DNAI1: variants seen among roughly 807,000 people sequenced by gnomAD.
DNAI1 encodes the protein dynein, axonemal, intermediate polypeptide 1.
Under a neutral mutation model 92.0 loss-of-function variants are expected in DNAI1, and 67 were observed. The ratio of observed to expected loss-of-function variants is 0.73; its 90% CI spans 0.60 to 0.89. DNAI1 has a LOEUF of 0.89. Among genes scored for constraint, DNAI1 ranks in the 40% least tolerant of loss-of-function variants. The probability of loss-of-function intolerance (pLI) is 0.00; values close to 1 mark genes in which losing one functional copy is unlikely to be tolerated. For missense variants in DNAI1, 839 were observed against 866.6 expected (o/e 0.97, Z 0.40); for synonymous variants, 323 against 319.6 (o/e 1.01, Z -0.11).
chr9:34,496,862 T>G (rs541793945), intron 9 of DNAI1, among the ~76,000 whole-genome samples: 1 of 152,314 alleles, frequency 6.6e-6, no homozygotes, highest in South Asian at 2.1e-4. Context: ...AATGAAAGCA[T>G]GAAGCAGGTT....
chr9:34,489,481 C>T, intron 5 of DNAI1, 32 bp downstream of exon 5: 1 of 1,611,760 alleles, frequency 6.2e-7, no homozygotes, highest in Non-Finnish European at 8.5e-7. Context: ...AAGCTACAGC[C>T]CTGAGCCTGT....
At chr9:34,519,158 T>C (rs905988458) in intron 19 of DNAI1, among the ~76,000 whole-genome samples, 2 of 152,078 alleles carry the variant, frequency 1.3e-5, no homozygotes, top group African/African-American at 4.8e-5. Context: ...AGCCAAGTGA[T>C]TCATGCAAAA....
rs527973808 is a variant in DNAI1 at position 34,505,721 on chromosome 9, G to A, written c.1064-906G>A. On this transcript the variant is annotated intron_variant, in intron 12 of 19. Transcript: ENST00000242317. ...GGCCTGGTATCCTTGTCTCTGTAGC[G>A]TGGCATCTACTTCCTCCTGTCCACT... 9.2e-5 allele frequency among the ~76,000 whole-genome samples: 14 copies of A among 152,292 alleles called. 1 individual carries two copies. Among genetic ancestry groups the A allele is most frequent in the Admixed American group, 5.9e-4 (9 of 15,302 alleles).
chr9:34,482,669 C>A (rs542345274), intron 1 of DNAI1, among the ~76,000 whole-genome samples: 1 of 152,274 alleles, frequency 6.6e-6, no homozygotes, highest in Non-Finnish European at 1.5e-5. Flanking sequence ...CTCTCCACGT[C>A]CCCACCAGAC....
chr9:34,481,948 C>T (rs899479202), intron 1 of DNAI1, among the ~76,000 whole-genome samples: 6 of 152,238 alleles, frequency 3.9e-5, no homozygotes, highest in Admixed American at 1.3e-4. Flanking sequence ...TGCTTTTATT[C>T]TTATCTGGCC....
rs1163985496 is a variant in DNAI1, at chr9:34,487,221, C to T, written c.261+1704C>T. ...TTTTTGAGACTGCGCCTCGCTCTGT[C>T]GCCCAGGCTGGAGTGCAGTGGTGGC... On this transcript the variant is annotated intron_variant, in intron 4 of 19. Transcript: ENST00000242317. Among the ~76,000 whole-genome samples the T allele has an allele frequency of 5.3e-5, 8 of 151,494 alleles. No homozygotes were observed. In the East Asian group the frequency reaches 1.2e-3, roughly 22 times the overall value.
At chr9:34,518,583 C>A (rs1287158185) in intron 19 of DNAI1, among the ~76,000 whole-genome samples, 1 of 152,198 alleles carries the variant, frequency 6.6e-6, no homozygotes, top group Non-Finnish European at 1.5e-5. Context: ...CTGAGCCCAG[C>A]TAGTTGGCCT....
chr9:34,484,442 C>G (rs543502052), intron 2 of DNAI1, among the ~76,000 whole-genome samples: 32 of 152,182 alleles, frequency 2.1e-4, no homozygotes, highest in African/African-American at 7.7e-4. Flanking sequence ...CCCTACAGCC[C>G]CATGAATGCT....
At chr9:34,482,009 C>A (rs577583580) in intron 1 of DNAI1, among the ~76,000 whole-genome samples, 1 of 152,166 alleles carries the variant, frequency 6.6e-6, no homozygotes, top group African/African-American at 2.4e-5. Context: ...TTTGTCAGGG[C>A]GCTGATTGGT....
At chr9:34,499,664 G>T (rs1357783863) in intron 10 of DNAI1, among the ~76,000 whole-genome samples, 1 of 152,144 alleles carries the variant, frequency 6.6e-6, no homozygotes, top group Non-Finnish European at 1.5e-5. Context: ...ATGAGAAAGA[G>T]TTTGATCTGG....
At chr9:34,515,183 T>C (rs1587092773) in intron 18 of DNAI1, among the ~76,000 whole-genome samples, 1 of 152,346 alleles carries the variant, frequency 6.6e-6, no homozygotes, top group East Asian at 1.9e-4. Flanking sequence ...GGGAGGGGGC[T>C]ATTCAACACT....
chr9:34,489,526 C>G, intron 5 of DNAI1, 77 bp downstream of exon 5: 1 of 1,558,064 alleles, frequency 6.4e-7, no homozygotes, highest in Non-Finnish European at 8.8e-7. Flanking sequence ...GAGTATACCT[C>G]TAAGCCAGAA....
chr9:34,476,504 G>C (rs1824240761), intron 1 of DNAI1, among the ~76,000 whole-genome samples: 1 of 152,180 alleles, frequency 6.6e-6, no homozygotes, highest in African/African-American at 2.4e-5. Flanking sequence ...GTTAGGAGGG[G>C]TGTTAACTTA....
intron 2 of DNAI1, among the ~76,000 whole-genome samples, chr9:34,484,527 T>C (rs1243623969): frequency 2.6e-5 from 4 of 152,234 alleles, no homozygotes; most frequent in Admixed American, 6.5e-5. Flanking sequence ...TTGTATAATT[T>C]TGATTGTTAG....
At chr9:34,485,583 C>T (rs1048790142) in intron 4 of DNAI1, 66 bp downstream of exon 4, 5 of 1,470,560 alleles carry the variant, frequency 3.4e-6, no homozygotes, top group Non-Finnish European at 3.8e-6. Flanking sequence ...TGACTTGCTA[C>T]ATTGCAAAAG....
At chr9:34,504,277 G>T (rs1824884008) in intron 12 of DNAI1, among the ~76,000 whole-genome samples, 1 of 152,218 alleles carries the variant, frequency 6.6e-6, no homozygotes, top group East Asian at 1.9e-4. Context: ...CCAGGCCAGA[G>T]ATACACTTTT....
Position 34,520,956 on chromosome 9 carries a change from T to G in DNAI1, c.*200T>G, listed in dbSNP as rs1368816006. The G allele has an allele frequency of 7.8e-6, 5 of 639,852 alleles. No homozygotes were observed. Among genetic ancestry groups the G allele is most frequent in the Non-Finnish European group, 1.4e-5 (5 of 356,280 alleles). The allele number at this position is 639,852 out of a possible 1,614,324, so 39.6% of individuals were successfully genotyped here. On this transcript the variant is annotated 3_prime_UTR_variant, in exon 20 of 20. Coordinates refer to ENST00000242317, the MANE Select transcript of DNAI1 (RefSeq NM_012144.4). ...TTCAACCACCATTACCCCTCTAACT[T>G]TGCACAAATAAACCTGTGTAGAAAC... is the stretch of plus-strand genomic sequence containing the variant.
At chr9:34,501,636 G>C (rs1824833192) in intron 12 of DNAI1, among the ~76,000 whole-genome samples, 1 of 152,200 alleles carries the variant, frequency 6.6e-6, no homozygotes, top group Admixed American at 6.5e-5. Context: ...GCAGGCCTGA[G>C]ACTGGAGGCA....
At chr9:34,483,143 C>G (rs1399026122) in intron 1 of DNAI1, among the ~76,000 whole-genome samples, 1 of 152,232 alleles carries the variant, frequency 6.6e-6, no homozygotes, top group Admixed American at 6.5e-5. Flanking sequence ...GCTGGTGCCT[C>G]TCCCTCCACG....
Sources: allele counts gnomAD v4.1 joint callset (sites outside exome capture counted in the v4.1 genomes callset), GRCh38; gene constraint gnomAD v4.1.1; transcripts MANE v1.5; gene names NCBI Gene and HGNC (gene_info 2026-07-23, HGNC 2026-07-21).